Variants in UBE2QL1 observed in about 807,000 individuals in gnomAD.
UBE2QL1 encodes ubiquitin conjugating enzyme E2 QL1, also known as ubiquitin-conjugating enzyme E2Q-like protein 1.
UBE2QL1 carries 5 observed loss-of-function variants against 12.6 expected under a neutral mutation model. The observed-to-expected ratio is 0.40, with a 90% confidence interval of 0.21 to 0.83. The LOEUF is 0.83. Ranked by LOEUF, UBE2QL1 falls within the 40% of genes least tolerant of loss-of-function variation. UBE2QL1 has a pLI of 0.37. For synonymous variants in UBE2QL1, 96 were observed against 94.5 expected, an observed-to-expected ratio of 1.02 and a Z score of -0.10; for missense variants, 99 against 222.6, an observed-to-expected ratio of 0.44 and a Z score of 3.53.
rs534269248 is a variant in UBE2QL1 at position 6,462,707 on chromosome 5, A to G, written c.354+13460A>G. Among the ~76,000 whole-genome samples the G allele has an allele frequency of 5.3e-5, 8 of 152,354 alleles. No homozygotes were observed. The South Asian group carries it at 1.4e-3, about 28-fold the overall frequency. ...CCCTCACTCAGCGTGCACTTAGGGC[A>G]GAATAAGCCTCACCCAAAATCCCTG... is the stretch of plus-strand genomic sequence containing the variant. On this transcript the variant is annotated intron_variant, in intron 1 of 1. Coordinates refer to ENST00000399816, the MANE Select transcript of UBE2QL1 (RefSeq NM_001145161.3).
rs76350848 is a variant in UBE2QL1 at position 6,450,261 on chromosome 5, G to T, written c.354+1014G>T. On this transcript the variant is annotated intron_variant, in intron 1 of 1. Transcript: ENST00000399816. ...CCCAAGCAGTTAAATCCTTTATCAGGGCTAAAGATTTTAACGAAATACGAA... is the reference window on the plus strand; with the variant it reads ...CCCAAGCAGTTAAATCCTTTATCAGTGCTAAAGATTTTAACGAAATACGAA... 1.1e-4 allele frequency among the ~76,000 whole-genome samples: 16 copies of T among 152,082 alleles called. No individual in the cohort carries two copies. In the East Asian group the frequency reaches 3.1e-3, roughly 29 times the overall value.
intron 1 of UBE2QL1, among the ~76,000 whole-genome samples, chr5:6,488,621 A>T (rs1050729974): frequency 5.3e-5 from 8 of 151,788 alleles, no homozygotes; most frequent in African/African-American, 1.9e-4. Context: ...ACAAAACGAT[A>T]CCCTGTCTCT....
chr5:6,476,285 G>A lies in UBE2QL1; in HGVS notation c.355-14933G>A, dbSNP rs1309094969. Among the ~76,000 whole-genome samples the A allele has an allele frequency of 1.3e-5, 2 of 152,248 alleles. No individual in the cohort carries two copies. Among genetic ancestry groups the A allele is most frequent in the Non-Finnish European group, 2.9e-5 (2 of 68,038 alleles). On this transcript the variant is annotated intron_variant, in intron 1 of 1. Transcript: ENST00000399816. The surrounding 1 kb of genome is among the most constrained non-coding windows in gnomAD (Gnocchi z 4.9). Reference sequence around the variant, plus strand: ...ACCTCAGGAGCAGCCAAGGCATAAAGCAGTCAACGCGGTGCCCTCAGGGCA... The same window carrying A: ...ACCTCAGGAGCAGCCAAGGCATAAAACAGTCAACGCGGTGCCCTCAGGGCA...
chr5:6,465,358 G>A (rs1005017269), intron 1 of UBE2QL1, among the ~76,000 whole-genome samples: 2 of 152,214 alleles, frequency 1.3e-5, no homozygotes, highest in Admixed American at 6.5e-5. Flanking sequence ...GCAGAGTTAG[G>A]AAACAGAGCT....
At chr5:6,482,070 C>T (rs148218926) in intron 1 of UBE2QL1, among the ~76,000 whole-genome samples, 2 of 152,266 alleles carry the variant, frequency 1.3e-5, no homozygotes, top group African/African-American at 4.8e-5. Flanking sequence ...ACTGGTGTCA[C>T]TGTAAGAAGA....
chr5:6,477,185 GC>G (rs751353469), intron 1 of UBE2QL1, among the ~76,000 whole-genome samples: 11 of 152,200 alleles, frequency 7.2e-5, no homozygotes, highest in African/African-American at 2.7e-4. Context: ...ACCTCCACGT[GC>G]CCCCCAGGCC....
At chr5:6,470,177 G>A (rs188484064) in intron 1 of UBE2QL1, among the ~76,000 whole-genome samples, 1 of 152,296 alleles carries the variant, frequency 6.6e-6, no homozygotes, top group Admixed American at 6.5e-5. Flanking sequence ...GAAGCCTGGT[G>A]CTCCCCAGAG....
rs150786671 is a variant in UBE2QL1 at position 6,476,351 on chromosome 5, G to C, written c.355-14867G>C. Among the ~76,000 whole-genome samples the C allele has an allele frequency of 6.6e-6, 1 of 152,344 alleles. No homozygotes were observed. Among genetic ancestry groups the C allele is most frequent in the African/African-American group, 2.4e-5 (1 of 41,582 alleles). ...GTTCCAGCTTATTTTGAGGTGTTTG[G>C]TTGTTAAAAGTTTTTCAGCACTTAA... is the stretch of plus-strand genomic sequence containing the variant. On this transcript the variant is annotated intron_variant, in intron 1 of 1. Coordinates refer to ENST00000399816, the MANE Select transcript of UBE2QL1 (RefSeq NM_001145161.3). This position sits in a 1 kb window ranked among gnomAD's most constrained non-coding sequence, Gnocchi z 4.9.
At chr5:6,482,147 C>T (rs185033632) in intron 1 of UBE2QL1, among the ~76,000 whole-genome samples, 31 of 152,310 alleles carry the variant, frequency 2.0e-4, no homozygotes, top group African/African-American at 6.7e-4. Flanking sequence ...GAGATTAGAG[C>T]GCTGTGCCAA....
rs185686140 is a variant in UBE2QL1, at chr5:6,479,723, C to T, written c.355-11495C>T. Among the ~76,000 whole-genome samples the T allele has an allele frequency of 2.3e-3, 356 of 152,250 alleles. No homozygotes were observed. Among genetic ancestry groups the T allele is most frequent in the Middle Eastern group, 3.4e-3 (1 of 294 alleles). ...AGAGTGGAGTGCAGCATCCTGGGTG[C>T]GGCCCAAGAAAAGCAGCTTCCTTTT... is the stretch of plus-strand genomic sequence containing the variant. On this transcript the variant is annotated intron_variant, in intron 1 of 1. Transcript: ENST00000399816. The surrounding 1 kb of genome is among the most constrained non-coding windows in gnomAD (Gnocchi z 4.2).
At chr5:6,454,018 C>T (rs753786059) in intron 1 of UBE2QL1, among the ~76,000 whole-genome samples, 1 of 152,010 alleles carries the variant, frequency 6.6e-6, no homozygotes, top group Non-Finnish European at 1.5e-5. Flanking sequence ...GTAGTTGGGA[C>T]TACAGGTGCA....
Position 6,491,463 on chromosome 5 carries a change from C to T in UBE2QL1, c.*114C>T. ...GTTTTTACTCCAGCCAGAACTGCAT[C>T]CTGAATGCCCAGGAGACGTTTAAGT... On this transcript the variant is annotated 3_prime_UTR_variant, in exon 2 of 2. Transcript: ENST00000399816. 7.4e-7 allele frequency: 1 copy of T among 1,343,314 alleles called. No individual in the cohort carries two copies. The highest frequency in any genetic ancestry group is 1.5e-5 in the African/African-American group (1 of 67,806). The allele number at this position is 1,343,314 out of a possible 1,614,324, so 83.2% of individuals were successfully genotyped here.
chr5:6,482,716 A>G (rs947302131), intron 1 of UBE2QL1, among the ~76,000 whole-genome samples: 1 of 152,220 alleles, frequency 6.6e-6, no homozygotes, highest in African/African-American at 2.4e-5. Context: ...GGAGGCCAGG[A>G]GGCTGCTGAA....
intron 1 of UBE2QL1, among the ~76,000 whole-genome samples, chr5:6,450,199 G>A (rs1739386471): frequency 6.8e-6 from 1 of 146,862 alleles, no homozygotes; most frequent in Non-Finnish European, 1.5e-5. Flanking sequence ...GTCTCTTTCA[G>A]ACCTGCTTCT....
intron 1 of UBE2QL1, among the ~76,000 whole-genome samples, chr5:6,458,398 G>A (rs943421414): frequency 6.6e-6 from 1 of 152,060 alleles, no homozygotes; most frequent in Admixed American, 6.6e-5. Context: ...CTCATTTTTT[G>A]ATCTTGAAGA....
rs995356302 is a variant in UBE2QL1, at chr5:6,496,296, C to G, written c.*4947C>G. Among the ~76,000 whole-genome samples the G allele has an allele frequency of 1.3e-5, 2 of 152,186 alleles. No individual in the cohort carries two copies. Among genetic ancestry groups the G allele is most frequent in the Non-Finnish European group, 2.9e-5 (2 of 68,038 alleles). ...GTAGACATGCAATCGTTTTGTACCT[C>G]TAGACCTTGGGCAGTCACTGGTGAT... On this transcript the variant is annotated 3_prime_UTR_variant, in exon 2 of 2. Coordinates refer to ENST00000399816, the MANE Select transcript of UBE2QL1 (RefSeq NM_001145161.3).
intron 1 of UBE2QL1, among the ~76,000 whole-genome samples, chr5:6,472,015 A>G (rs934273084): frequency 1.1e-4 from 17 of 152,188 alleles, no homozygotes; most frequent in African/African-American, 3.4e-4. Flanking sequence ...ATATTATTAG[A>G]TACACTTCAT....
rs1251197961 is a variant in UBE2QL1, at chr5:6,449,034, C to T, written c.141C>T (p.Thr47=). 2.6e-6 allele frequency: 4 copies of T among 1,548,978 alleles called. No homozygotes were observed. In the African/African-American group the frequency reaches 5.5e-5, roughly 21 times the overall value. ...TGCTGTGGCAGGACATGAAGGAGAC[C>T]AACACCGAGTTCATCCTGCTCAACC... ...DSVLWQDMKE[T]NTEFILLNLT... is the part of the protein sequence containing the mutation. The change falls in exon 1 of 2, where the codon ACC becomes ACT. Residue 47 remains threonine, a synonymous_variant. Coordinates refer to ENST00000399816, the MANE Select transcript of UBE2QL1 (RefSeq NM_001145161.3).
intron 1 of UBE2QL1, among the ~76,000 whole-genome samples, chr5:6,453,399 T>A (rs907841477): frequency 6.6e-6 from 1 of 152,216 alleles, no homozygotes; most frequent in African/African-American, 2.4e-5. Context: ...TGATAATCCT[T>A]TCTATCCACA....
Sources: allele counts gnomAD v4.1 joint callset (sites outside exome capture counted in the v4.1 genomes callset), GRCh38; gene constraint gnomAD v4.1.1; non-coding constraint Gnocchi (gnomAD v3.1); transcripts MANE v1.5; gene names NCBI Gene and HGNC (gene_info 2026-07-23, HGNC 2026-07-21).